XKR9: variants seen among roughly 807,000 people sequenced by gnomAD.
The protein encoded by XKR9 is XK related 9, also known as XK-related protein 9.
In XKR9, 32 loss-of-function variants were observed where a neutral mutation model predicts 32.0. The ratio of observed to expected loss-of-function variants is 1.00; its 90% CI spans 0.76 to 1.34. The LOEUF (loss-of-function observed/expected upper bound fraction) is 1.34. Among genes scored for constraint, XKR9 ranks in the 40% most tolerant of loss-of-function variants. XKR9 has a pLI of 0.00. For missense variants in XKR9, 546 were observed against 429.7 expected, an observed-to-expected ratio of 1.27 and a Z score of -2.39; for synonymous variants, 168 against 143.4, an observed-to-expected ratio of 1.17 and a Z score of -1.22.
chr8:70,845,280 G>T, the XKR9 span, among the ~76,000 whole-genome samples: 1 of 152,110 alleles, frequency 6.6e-6, no homozygotes, highest in Non-Finnish European at 1.5e-5. Context: ...TAAATCTTCA[G>T]GAAAAAGTCA....
At chr8:70,873,520 G>T in the XKR9 span, among the ~76,000 whole-genome samples, 1 of 152,194 alleles carries the variant, frequency 6.6e-6, no homozygotes, top group African/African-American at 2.4e-5. Flanking sequence ...GACTTTCAGG[G>T]ATTCAAGGCT....
the XKR9 span, among the ~76,000 whole-genome samples, chr8:70,844,139 G>A: frequency 3.3e-5 from 5 of 152,138 alleles, no homozygotes; most frequent in Non-Finnish European, 7.3e-5. Flanking sequence ...CACCTACCAG[G>A]GAAAGTTACC....
intron 3 of XKR9, among the ~76,000 whole-genome samples, chr8:70,705,734 A>G (rs1211757983): frequency 1.3e-5 from 2 of 152,166 alleles, no homozygotes; most frequent in Non-Finnish European, 2.9e-5. Context: ...TTCTACCCCA[A>G]TGAGTAGTGA....
the XKR9 span, among the ~76,000 whole-genome samples, chr8:70,868,683 A>G: frequency 1.3e-5 from 2 of 151,976 alleles, no homozygotes; most frequent in Non-Finnish European, 2.9e-5. Flanking sequence ...CCCTGGAGAC[A>G]TTTTCTTTAT....
the XKR9 span, among the ~76,000 whole-genome samples, chr8:70,935,120 T>TATATATATAC: frequency 1.6e-5 from 2 of 128,224 alleles, no homozygotes; most frequent in Non-Finnish European, 3.6e-5. Context: ...TATATATATA[T>TATATATATAC]ACACACACAC....
intron 2 of XKR9, among the ~76,000 whole-genome samples, chr8:70,748,527 T>C (rs182476688): frequency 1.5e-4 from 23 of 152,308 alleles, no homozygotes; most frequent in African/African-American, 5.1e-4. Context: ...CTCTAGACTT[T>C]GGGTACTGAC....
At chr8:70,950,513 A>T in the XKR9 span, among the ~76,000 whole-genome samples, 2 of 152,064 alleles carry the variant, frequency 1.3e-5, no homozygotes, top group Non-Finnish European at 2.9e-5. Flanking sequence ...GATAGGGAAG[A>T]GTGAGGAGAA....
the XKR9 span, among the ~76,000 whole-genome samples, chr8:70,971,799 T>C: frequency 1.3e-5 from 2 of 152,056 alleles, no homozygotes; most frequent in African/African-American, 4.8e-5. Context: ...CTGGGTTTCC[T>C]ATCTGTTCCA....
At chr8:70,816,736 C>CAAAATATTAGCA in the XKR9 span, among the ~76,000 whole-genome samples, 102,147 of 151,766 alleles carry the variant, frequency 0.67, 34,867 homozygotes, top group Admixed American at 0.74. Flanking sequence ...AGATTCTCAT[C>CAAAATATTAGCA]AACCAAACCC....
the XKR9 span, among the ~76,000 whole-genome samples, chr8:70,931,304 G>A: frequency 6.6e-6 from 1 of 152,180 alleles, no homozygotes; most frequent in Non-Finnish European, 1.5e-5. Context: ...CCTGAGGTCA[G>A]CATGGTGTTC....
chr8:70,980,758 T>C, the XKR9 span, among the ~76,000 whole-genome samples: 1 of 152,156 alleles, frequency 6.6e-6, no homozygotes, highest in African/African-American at 2.4e-5. Context: ...TTTAAGGAGG[T>C]TTTATTTAGG....
intron 3 of XKR9, among the ~76,000 whole-genome samples, chr8:70,691,839 A>G (rs1304277246): frequency 6.6e-6 from 1 of 152,102 alleles, no homozygotes; most frequent in Non-Finnish European, 1.5e-5. Flanking sequence ...TTTGGAGTCG[A>G]ATAACATGAT....
the XKR9 span, among the ~76,000 whole-genome samples, chr8:71,060,973 A>G: frequency 6.6e-6 from 1 of 152,188 alleles, no homozygotes. Context: ...GCAAACATCT[A>G]TTGAGGGCGT....
intron 3 of XKR9, among the ~76,000 whole-genome samples, chr8:70,689,516 T>G (rs1819438084): frequency 6.7e-6 from 1 of 149,162 alleles, no homozygotes; most frequent in Non-Finnish European, 1.5e-5. Context: ...TATATGTATA[T>G]TAGCCCCGGA....
the XKR9 span, among the ~76,000 whole-genome samples, chr8:70,867,854 A>C: frequency 6.6e-6 from 1 of 152,220 alleles, no homozygotes; most frequent in Non-Finnish European, 1.5e-5. Flanking sequence ...AGCTTCTAAA[A>C]TCAAGAGCAG....
the XKR9 span, among the ~76,000 whole-genome samples, chr8:70,845,487 T>C: frequency 3.3e-5 from 5 of 152,094 alleles, no homozygotes; most frequent in African/African-American, 1.2e-4. Context: ...AAGTAATGTC[T>C]TAAGAAAGCT....
At chr8:70,887,303 C>T in the XKR9 span, among the ~76,000 whole-genome samples, 1 of 152,256 alleles carries the variant, frequency 6.6e-6, no homozygotes, top group South Asian at 2.1e-4. Flanking sequence ...GGTACCAGTA[C>T]TGTGCTGTTT....
At chr8:70,671,151 C>T (rs573388283) in intron 1 of XKR9, among the ~76,000 whole-genome samples, 6 of 152,224 alleles carry the variant, frequency 3.9e-5, no homozygotes, top group South Asian at 2.1e-4. Context: ...GGTGATCCTC[C>T]TGCTTTGGTC....
chr8:70,949,101 A>G, the XKR9 span, among the ~76,000 whole-genome samples: 1 of 152,132 alleles, frequency 6.6e-6, no homozygotes, highest in Non-Finnish European at 1.5e-5. Context: ...TCTCCTTCAC[A>G]TTTAAGTAAA....
Sources: allele counts gnomAD v4.1 joint callset (sites outside exome capture counted in the v4.1 genomes callset), GRCh38; gene constraint gnomAD v4.1.1; transcripts MANE v1.5; gene names NCBI Gene and HGNC (gene_info 2026-07-23, HGNC 2026-07-21).